DLG2: variants seen among roughly 807,000 people sequenced by gnomAD.
DLG2 encodes disks large homolog 2.
A neutral mutation model predicts 132.5 loss-of-function variants in DLG2; 45 were observed. The observed-to-expected ratio is 0.34, with a 90% confidence interval of 0.27 to 0.44. The LOEUF (loss-of-function observed/expected upper bound fraction) is 0.44, where lower values mean the gene tolerates loss of function less well. Among genes scored for constraint, DLG2 ranks in the 20% least tolerant of loss-of-function variants. The pLI is 1.00. For missense variants in DLG2, 1,045 were observed against 1,196.9 expected (o/e 0.87, Z 1.87); for synonymous variants, 424 against 419.6 (o/e 1.01, Z -0.13).
chr11:84,548,456 G>A (rs1190425243), intron 6 of DLG2, among the ~76,000 whole-genome samples: 14 of 123,352 alleles, frequency 1.1e-4, no homozygotes, highest in African/African-American at 1.9e-4. Flanking sequence ...AACAGGCCCC[G>A]GTGTGTGATG....
intron 5 of DLG2, among the ~76,000 whole-genome samples, chr11:85,142,730 A>G (rs918910884): frequency 6.6e-6 from 1 of 151,778 alleles, no homozygotes; most frequent in Non-Finnish European, 1.5e-5. Flanking sequence ...GTGTTGAGGT[A>G]TGTTCCCTCT....
chr11:84,934,327 A>T (rs995732913), intron 6 of DLG2, among the ~76,000 whole-genome samples: 1 of 151,572 alleles, frequency 6.6e-6, no homozygotes, highest in Non-Finnish European at 1.5e-5. Context: ...ATTGGCCTGA[A>T]GTTTTCTTTT....
intron 6 of DLG2, among the ~76,000 whole-genome samples, chr11:84,856,852 A>T (rs1260143671): frequency 6.6e-6 from 1 of 151,588 alleles, no homozygotes; most frequent in Non-Finnish European, 1.5e-5. Context: ...CTTGTTAAAT[A>T]AGAAAAGAGT....
intron 14 of DLG2, among the ~76,000 whole-genome samples, chr11:83,953,485 G>T (rs557817151): frequency 6.6e-6 from 1 of 152,240 alleles, no homozygotes; most frequent in South Asian, 2.1e-4. Context: ...AAACAGTTTC[G>T]TCTGGAAACC....
At chr11:83,735,669 A>G (rs1207006167) in intron 18 of DLG2, among the ~76,000 whole-genome samples, 4 of 152,230 alleles carry the variant, frequency 2.6e-5, no homozygotes, top group East Asian at 1.9e-4. Context: ...ATATGCAAAC[A>G]TAATTCTTCC....
intron 5 of DLG2, among the ~76,000 whole-genome samples, chr11:85,125,806 TACACACACACACACACACAC>T (rs71465021): frequency 3.4e-5 from 5 of 148,540 alleles, no homozygotes; most frequent in Admixed American, 6.7e-5. Context: ...CCAGACATTA[TACACACACACACACACACAC>T]ACACACACAC....
chr11:84,811,316 C>T (rs2076535805), intron 6 of DLG2, among the ~76,000 whole-genome samples: 1 of 152,036 alleles, frequency 6.6e-6, no homozygotes, highest in Non-Finnish European at 1.5e-5. Flanking sequence ...AAGAGGGGAG[C>T]AAGAGGATGG....
chr11:84,901,545 ATTAATC>A (rs148339307), intron 6 of DLG2, among the ~76,000 whole-genome samples: 19,323 of 142,490 alleles, frequency 0.14, 1,247 homozygotes, highest in Non-Finnish European at 0.15. Flanking sequence ...GTGAAAGTTA[ATTAATC>A]TTAAACTCTG....
chr11:85,043,558 A>G (rs1219109504), intron 6 of DLG2, among the ~76,000 whole-genome samples: 2 of 151,902 alleles, frequency 1.3e-5, no homozygotes, highest in African/African-American at 4.8e-5. Context: ...AAGGCACTGT[A>G]TGCATGCAAA....
At chr11:85,186,404 A>C (rs1260670016) in intron 4 of DLG2, among the ~76,000 whole-genome samples, 1 of 152,088 alleles carries the variant, frequency 6.6e-6, no homozygotes, top group Non-Finnish European at 1.5e-5. Context: ...CAATTTACAC[A>C]TGCAGCTTTA....
At chr11:85,399,088 G>T (rs2087745932) in intron 3 of DLG2, among the ~76,000 whole-genome samples, 1 of 152,028 alleles carries the variant, frequency 6.6e-6, no homozygotes, top group Non-Finnish European at 1.5e-5. Flanking sequence ...AAAGTCTCAG[G>T]ATACAAAATC....
chr11:83,717,767 C>T lies in DLG2; in HGVS notation c.1825+68923G>A, dbSNP rs117140537. ...GTAAGAAACAGAGTGAACCCAGTGA[C>T]GTGGCAGTGTGGTAGGAGGCACTGT... is the stretch of plus-strand genomic sequence containing the variant. On this transcript the variant is annotated intron_variant, in intron 18 of 27. Transcript: ENST00000376104. Among the ~76,000 whole-genome samples, 99 of 152,234 alleles carry T rather than the reference C, an allele frequency of 6.5e-4. No homozygotes were observed. The East Asian group carries it at 0.014, about 21-fold the overall frequency.
intron 6 of DLG2, among the ~76,000 whole-genome samples, chr11:84,693,805 A>AAT (rs1392683076): frequency 6.6e-6 from 1 of 151,582 alleles, no homozygotes; most frequent in Non-Finnish European, 1.5e-5. Context: ...GTCTGCTTTT[A>AAT]ATATACAGTC....
intron 3 of DLG2, among the ~76,000 whole-genome samples, chr11:85,451,818 A>G (rs2092256825): frequency 6.6e-6 from 1 of 152,092 alleles, no homozygotes; most frequent in Non-Finnish European, 1.5e-5. Context: ...CCAAAGTGCT[A>G]TGATTACAGG....
chr11:84,631,536 G>A (rs1275160251), intron 6 of DLG2, among the ~76,000 whole-genome samples: 1 of 152,098 alleles, frequency 6.6e-6, no homozygotes, highest in Non-Finnish European at 1.5e-5. Context: ...TCCTTATAGA[G>A]ATGTTGCAGT....
intron 18 of DLG2, 118 bp downstream of exon 18, chr11:83,786,572 T>C (rs1240888542): frequency 1.1e-5 from 9 of 851,810 alleles, no homozygotes; most frequent in Non-Finnish European, 1.7e-5. Flanking sequence ...TTTTTCACTA[T>C]AGGTAGGTTT....
chr11:84,725,556 A>C (rs1252970104), intron 6 of DLG2, among the ~76,000 whole-genome samples: 1 of 152,164 alleles, frequency 6.6e-6, no homozygotes, highest in African/African-American at 2.4e-5. Context: ...CAATGAGTTT[A>C]CAAACCAGTT....
chr11:84,555,160 T>C (rs141568283), intron 6 of DLG2, among the ~76,000 whole-genome samples: 1,986 of 152,236 alleles, frequency 0.013, 53 homozygotes, highest in African/African-American at 0.046. Context: ...TGACCTGATA[T>C]ATATTTTCAA....
At chr11:85,195,755 T>A (rs949284296) in intron 4 of DLG2, among the ~76,000 whole-genome samples, 1 of 152,076 alleles carries the variant, frequency 6.6e-6, no homozygotes, top group Non-Finnish European at 1.5e-5. Flanking sequence ...CTCGATCTTC[T>A]GACCTCGTGA....
Sources: allele counts gnomAD v4.1 joint callset (sites outside exome capture counted in the v4.1 genomes callset), GRCh38; gene constraint gnomAD v4.1.1; transcripts MANE v1.5; gene names NCBI Gene and HGNC (gene_info 2026-07-23, HGNC 2026-07-21).